Variants in DOCK9 observed in about 807,000 individuals in gnomAD.
The protein encoded by DOCK9 is dedicator of cytokinesis protein 9.
A neutral mutation model predicts 263.3 loss-of-function variants in DOCK9; 89 were observed. The observed-to-expected ratio is 0.34, with a 90% CI of 0.28 to 0.40. The LOEUF (loss-of-function observed/expected upper bound fraction) is 0.40, where lower values mean the gene tolerates loss of function less well. Among genes scored for constraint, DOCK9 ranks in the 10% least tolerant of loss-of-function variants. The pLI, the probability that DOCK9 is intolerant of heterozygous loss-of-function variation, is 1.00. For synonymous variants in DOCK9, 976 were observed against 973.1 expected, an observed-to-expected ratio of 1.00 and a Z score of -0.06; for missense variants, 2,140 against 2,603.4, an observed-to-expected ratio of 0.82 and a Z score of 3.87.
At chr13:98,888,773 G>T (rs2046188715) in intron 15 of DOCK9, 62 bp from the exon 16 acceptor site, 1 of 1,381,386 alleles carries the variant, frequency 7.2e-7, no homozygotes, top group East Asian at 2.3e-5. Flanking sequence ...CGACACTCTA[G>T]AGCAGCACTT....
At chr13:99,044,432 T>C (rs918581178) in intron 1 of DOCK9, among the ~76,000 whole-genome samples, 7 of 152,156 alleles carry the variant, frequency 4.6e-5, no homozygotes, top group African/African-American at 1.2e-4. Flanking sequence ...AGCTGAAGTA[T>C]TTCAGCTTCT....
At position 99,071,306 on chromosome 13, in the gene DOCK9, C is replaced by CTTTTTTTTTTT. The variant is rs71114578; in HGVS notation, c.129+14906_129+14916dup. Among the ~76,000 whole-genome samples the CTTTTTTTTTTT allele has an allele frequency of 3.0e-3, 146 of 49,330 alleles. 20 individuals are homozygous for CTTTTTTTTTTT. Among genetic ancestry groups the CTTTTTTTTTTT allele is most frequent in the Middle Eastern group, 0.017 (1 of 58 alleles). 32.4% of individuals were successfully genotyped at this position (49,330 alleles called of 152,430 possible). ...TACAGGTGCTTGCCACCATGCCTGG[C>CTTTTTTTTTTT]TTTTTTTTTTTTTTTTTTTTTTTTT... On this transcript the variant is annotated intron_variant, in intron 1 of 32. Transcript: ENST00000427887.
chr13:98,832,149 C>A, intron 39 of DOCK9: 1 of 198,136 alleles, frequency 5.0e-6, no homozygotes, highest in South Asian at 1.2e-4. Context: ...CACAGGTATG[C>A]GATAATTATA....
intron 9 of DOCK9, among the ~76,000 whole-genome samples, chr13:98,910,778 G>A (rs1333847003): frequency 1.3e-5 from 2 of 152,028 alleles, no homozygotes; most frequent in Non-Finnish European, 2.9e-5. Context: ...CTCCCAGCCT[G>A]ACCCTTTCTT....
chr13:98,959,247 G>C (rs1411693052), intron 1 of DOCK9, among the ~76,000 whole-genome samples: 2 of 152,216 alleles, frequency 1.3e-5, no homozygotes, highest in African/African-American at 4.8e-5. Flanking sequence ...GTAAATGTGT[G>C]AAAGACAGTT....
chr13:99,010,138 C>T (rs1297155072), intron 1 of DOCK9, among the ~76,000 whole-genome samples: 1 of 152,196 alleles, frequency 6.6e-6, no homozygotes, highest in East Asian at 1.9e-4. Flanking sequence ...TATTACTGCT[C>T]TTCATTAAGC....
chr13:98,852,323 A>AT (rs2093597044), intron 35 of DOCK9, among the ~76,000 whole-genome samples: 1 of 152,100 alleles, frequency 6.6e-6, no homozygotes, highest in African/African-American at 2.4e-5. Context: ...AAAAACTAGC[A>AT]TTTTAAAGTA....
chr13:98,933,401 T>G (rs2054271441), intron 2 of DOCK9, among the ~76,000 whole-genome samples: 1 of 152,208 alleles, frequency 6.6e-6, no homozygotes, highest in African/African-American at 2.4e-5. Flanking sequence ...TTTAAATTAT[T>G]AAACAGAATC....
At chr13:98,918,605 T>C (rs2051298308) in intron 7 of DOCK9, among the ~76,000 whole-genome samples, 1 of 152,210 alleles carries the variant, frequency 6.6e-6, no homozygotes, top group Non-Finnish European at 1.5e-5. Flanking sequence ...GGAAACTAGA[T>C]GGCAATGGGA....
intron 2 of DOCK9, among the ~76,000 whole-genome samples, chr13:98,940,518 C>T (rs2055645306): frequency 6.6e-6 from 1 of 152,120 alleles, no homozygotes; most frequent in South Asian, 2.1e-4. Flanking sequence ...CCCACCGTGG[C>T]CCCCCAAAGT....
chr13:99,084,826 G>C (rs182614706), intron 1 of DOCK9, among the ~76,000 whole-genome samples: 194 of 152,286 alleles, frequency 1.3e-3, no homozygotes, highest in Non-Finnish European at 4.1e-4. Context: ...GAAGTTGCAG[G>C]CTTTATCCTT....
chr13:98,990,559 G>A lies in DOCK9; in HGVS notation c.130-35008C>T, dbSNP rs149603937. Among the ~76,000 whole-genome samples, 67 of 152,300 alleles carry A rather than the reference G, an allele frequency of 4.4e-4. 1 individual carries two copies. The East Asian group carries it at 0.012, about 26-fold the overall frequency. ...TTCATTAATTTGGGGAAAAACATGA[G>A]ACTTCTAGATTAATTGCAAGAGACT... On this transcript the variant is annotated intron_variant, in intron 1 of 32. Transcript: ENST00000427887.
intron 1 of DOCK9, among the ~76,000 whole-genome samples, chr13:99,044,843 A>G (rs189022357): frequency 1.7e-4 from 26 of 152,302 alleles, no homozygotes; most frequent in Admixed American, 1.4e-3. Flanking sequence ...CTTCCATCAC[A>G]TGCACAAGCT....
intron 15 of DOCK9, among the ~76,000 whole-genome samples, chr13:98,891,315 C>G (rs1193504840): frequency 2.0e-5 from 3 of 152,180 alleles, no homozygotes; most frequent in Admixed American, 2.0e-4. Context: ...CTCACCTCTT[C>G]AGTGGAGGAA....
chr13:98,870,329 A>G (rs1489788371), intron 27 of DOCK9, among the ~76,000 whole-genome samples: 2 of 152,262 alleles, frequency 1.3e-5, no homozygotes, highest in Non-Finnish European at 2.9e-5. Flanking sequence ...GAAGCTCACC[A>G]ACTTTAAAAA....
chr13:98,853,057 T>A (rs555384033), intron 35 of DOCK9, among the ~76,000 whole-genome samples: 1 of 152,328 alleles, frequency 6.6e-6, no homozygotes, highest in East Asian at 1.9e-4. Context: ...TCTGGACGAA[T>A]AAAAATTTTT....
At chr13:99,014,630 C>T (rs2141965444) in intron 1 of DOCK9, among the ~76,000 whole-genome samples, 1 of 152,302 alleles carries the variant, frequency 6.6e-6, no homozygotes, top group South Asian at 2.1e-4. Flanking sequence ...CTTCGCTGTA[C>T]CAAGCAGCTG....
rs140833896 is a variant in DOCK9, at chr13:98,844,486, C to T, written c.4198+1438G>A. ...TCAAGTGATTTCATGTCTCAGCCTC[C>T]CCAGTAGCTGGGATTACATGTGTGT... On this transcript the variant is annotated intron_variant, in intron 38 of 52. Transcript: ENST00000682017. Among the ~76,000 whole-genome samples the T allele has an allele frequency of 1.6e-3, 249 of 152,200 alleles. 1 individual carries two copies. The highest frequency in any genetic ancestry group is 5.7e-3 in the African/African-American group (236 of 41,518).
chr13:98,882,796 T>C (rs1271554062), intron 23 of DOCK9, among the ~76,000 whole-genome samples: 1 of 152,154 alleles, frequency 6.6e-6, no homozygotes, highest in Admixed American at 6.5e-5. Context: ...GGGTTTTCCA[T>C]GCGTGAGAAA....
Sources: gnomAD v4.1 joint callset for allele counts (sites outside exome capture counted in the v4.1 genomes callset) on GRCh38, gnomAD v4.1.1 for gene constraint, MANE v1.5 for transcripts, NCBI Gene and HGNC (gene_info 2026-07-23, HGNC 2026-07-21) for gene names.